The following RAVER2 variants were observed in gnomAD, a reference collection of about 807,000 sequenced individuals.
RAVER2 encodes ribonucleoprotein, PTB binding 2.
A neutral mutation model predicts 78.1 loss-of-function variants in RAVER2; 46 were observed. The ratio of observed to expected loss-of-function variants is 0.59; its 90% confidence interval spans 0.46 to 0.75. The LOEUF is 0.75. Among genes scored for constraint, RAVER2 ranks in the 30% least tolerant of loss-of-function variants. The pLI, the probability that RAVER2 is intolerant of heterozygous loss-of-function variation, is 0.00. For missense variants in RAVER2, 793 were observed against 837.5 expected, an observed-to-expected ratio of 0.95 and a Z score of 0.66; for synonymous variants, 311 against 313.3, an observed-to-expected ratio of 0.99 and a Z score of 0.08.
intron 4 of RAVER2, among the ~76,000 whole-genome samples, chr1:64,786,980 G>A (rs1196522345): frequency 1.3e-5 from 2 of 152,142 alleles, no homozygotes; most frequent in African/African-American, 2.4e-5. Flanking sequence ...TCTGATTCAT[G>A]TAAAGTGTTT....
intron 1 of RAVER2, among the ~76,000 whole-genome samples, chr1:64,752,695 G>A (rs1263527568): frequency 1.3e-5 from 2 of 152,000 alleles, no homozygotes; most frequent in African/African-American, 4.8e-5. Flanking sequence ...TCCCTTTTTC[G>A]AGAGGGATTG....
intron 5 of RAVER2, among the ~76,000 whole-genome samples, chr1:64,793,115 A>G (rs1652990134): frequency 6.6e-6 from 1 of 152,174 alleles, no homozygotes; most frequent in Non-Finnish European, 1.5e-5. Flanking sequence ...AGGCAGGAGA[A>G]TGACTTGAAC....
chr1:64,771,607 G>T (rs1157202652), intron 2 of RAVER2, among the ~76,000 whole-genome samples: 4 of 152,040 alleles, frequency 2.6e-5, no homozygotes, highest in African/African-American at 4.8e-5. Context: ...TGTAACACAT[G>T]TAGAAATAAA....
intron 11 of RAVER2, among the ~76,000 whole-genome samples, chr1:64,828,277 C>T (rs1238887981): frequency 6.6e-6 from 1 of 151,076 alleles, no homozygotes; most frequent in Non-Finnish European, 1.5e-5. Context: ...CCTCTTCCTT[C>T]CCCTCCTAGG....
At chr1:64,820,302 T>G (rs1653854369) in intron 11 of RAVER2, among the ~76,000 whole-genome samples, 1 of 152,124 alleles carries the variant, frequency 6.6e-6, no homozygotes, top group South Asian at 2.1e-4. Context: ...CTAGGTCTAA[T>G]AAAAAACAAA....
intron 11 of RAVER2, among the ~76,000 whole-genome samples, chr1:64,822,165 G>A (rs1284139110): frequency 2.0e-5 from 3 of 152,132 alleles, no homozygotes; most frequent in Non-Finnish European, 4.4e-5. Context: ...GTGGGCGCCT[G>A]TAGTCCCAGC....
chr1:64,754,591 T>C (rs2100805169), intron 1 of RAVER2, among the ~76,000 whole-genome samples: 1 of 152,366 alleles, frequency 6.6e-6, no homozygotes, highest in South Asian at 2.1e-4. Flanking sequence ...ATCAGTCAAC[T>C]GTTTATGGCT....
At chr1:64,808,630 T>C (rs968454035) in intron 9 of RAVER2, among the ~76,000 whole-genome samples, 4 of 151,956 alleles carry the variant, frequency 2.6e-5, no homozygotes, top group Middle Eastern at 3.2e-3. Flanking sequence ...CCTGGCTGAT[T>C]TTTGTATTTT....
chr1:64,814,929 T>G, intron 11 of RAVER2, 89 bp downstream of exon 11: 1 of 1,185,428 alleles, frequency 8.4e-7, no homozygotes, highest in Non-Finnish European at 1.1e-6. Flanking sequence ...GATTTCTATA[T>G]TATTAACGTA....
chr1:64,803,872 A>C (rs991070478), intron 6 of RAVER2, among the ~76,000 whole-genome samples: 22 of 152,232 alleles, frequency 1.4e-4, no homozygotes, highest in African/African-American at 5.3e-4. Context: ...AAAACACATT[A>C]AACAGTTAAT....
At chr1:64,825,909 A>C (rs972857574) in intron 11 of RAVER2, among the ~76,000 whole-genome samples, 1 of 152,264 alleles carries the variant, frequency 6.6e-6, no homozygotes, top group Non-Finnish European at 1.5e-5. Flanking sequence ...TGTGTGCAAA[A>C]GATTGGATTG....
intron 11 of RAVER2, among the ~76,000 whole-genome samples, chr1:64,829,436 A>G (rs892119634): frequency 3.3e-5 from 5 of 152,228 alleles, no homozygotes; most frequent in Non-Finnish European, 7.3e-5. Flanking sequence ...CTGGGGTCCA[A>G]CATTCAGAAA....
At chr1:64,792,086 G>A (rs1652959822) in intron 5 of RAVER2, among the ~76,000 whole-genome samples, 2 of 152,060 alleles carry the variant, frequency 1.3e-5, no homozygotes, top group Non-Finnish European at 1.5e-5. Context: ...CAAACCTAAT[G>A]TTTTCCTTTT....
At chr1:64,807,647 TA>T (rs5774720) in intron 9 of RAVER2, among the ~76,000 whole-genome samples, 173 bp downstream of exon 9, 73,397 of 152,030 alleles carry the variant, frequency 0.48, 20,358 homozygotes, top group African/African-American at 0.77. Context: ...CTGTTATAAA[TA>T]AAGCAAACAA....
At chr1:64,808,633 T>C (rs1027824471) in intron 9 of RAVER2, among the ~76,000 whole-genome samples, 1 of 151,996 alleles carries the variant, frequency 6.6e-6, no homozygotes, top group African/African-American at 2.4e-5. Flanking sequence ...GGCTGATTTT[T>C]GTATTTTTAG....
exon 3 of RAVER2, chr1:64,778,053 G>A: frequency 3.7e-6 from 6 of 1,613,526 alleles, no homozygotes; most frequent in Non-Finnish European, 5.1e-6. Flanking sequence ...AAGAGCTGTT[G>A]CAAATTTTTT....
intron 11 of RAVER2, among the ~76,000 whole-genome samples, chr1:64,830,412 AC>A (rs1315503752): frequency 6.6e-6 from 1 of 151,980 alleles, no homozygotes; most frequent in African/African-American, 2.4e-5. Flanking sequence ...TTATTCTCTC[AC>A]CACTCCTCTT....
chr1:64,769,016 T>A (rs959081960), intron 2 of RAVER2, among the ~76,000 whole-genome samples: 1 of 152,082 alleles, frequency 6.6e-6, no homozygotes, highest in Non-Finnish European at 1.5e-5. Context: ...TGTATGTTAC[T>A]GGACTTAGTG....
chr1:64,807,140 T>C, intron 8 of RAVER2, 66 bp from the exon 9 acceptor site: 1 of 1,502,978 alleles, frequency 6.7e-7, no homozygotes, highest in East Asian at 2.3e-5. Context: ...CTTAACAAAA[T>C]TAAAAGGACT....
Sources: gnomAD v4.1 joint callset for allele counts (sites outside exome capture counted in the v4.1 genomes callset) on GRCh38, gnomAD v4.1.1 for gene constraint, MANE v1.5 for transcripts, NCBI Gene and HGNC (gene_info 2026-07-23, HGNC 2026-07-21) for gene names.